Variants in XPR1 observed in about 807,000 individuals in gnomAD.
XPR1 encodes xenotropic and polytropic retrovirus receptor 1, also known as solute carrier family 53 member 1.
A neutral mutation model predicts 87.5 loss-of-function variants in XPR1; 28 were observed. The ratio of observed to expected loss-of-function variants is 0.32; its 90% CI spans 0.24 to 0.44. XPR1 has a LOEUF of 0.44. Ranked by LOEUF, XPR1 falls within the 20% of genes least tolerant of loss-of-function variation. The pLI is 1.00. For missense variants in XPR1, 559 were observed against 862.3 expected, an observed-to-expected ratio of 0.65 and a Z score of 4.41; for synonymous variants, 300 against 306.1, an observed-to-expected ratio of 0.98 and a Z score of 0.21.
At chr1:180,839,014 TTA>T (rs1651408057) in intron 11 of XPR1, among the ~76,000 whole-genome samples, 1 of 152,212 alleles carries the variant, frequency 6.6e-6, no homozygotes, top group Non-Finnish European at 1.5e-5. Context: ...TGAGATAAAT[TTA>T]TGTTATTACT....
intron 7 of XPR1, 147 bp downstream of exon 7, chr1:180,811,635 G>GT (rs901422053): frequency 1.2e-4 from 69 of 573,466 alleles, no homozygotes; most frequent in African/African-American, 4.2e-4. Flanking sequence ...TATAAATGTG[G>GT]TTTTTTTTAG....
At chr1:180,880,421 T>G in intron 14 of XPR1, 124 bp downstream of exon 14, 2 of 1,047,734 alleles carry the variant, frequency 1.9e-6, no homozygotes, top group Non-Finnish European at 2.8e-6. Context: ...ATTTTTCACC[T>G]ACAAAAAAAC....
intron 1 of XPR1, among the ~76,000 whole-genome samples, chr1:180,657,342 G>T (rs1050494009): frequency 2.0e-5 from 3 of 152,122 alleles, no homozygotes; most frequent in Non-Finnish European, 4.4e-5. Context: ...CTGTGCTTGT[G>T]GGGTATTCAA....
chr1:180,685,979 T>A (rs566115997), intron 2 of XPR1, among the ~76,000 whole-genome samples: 60 of 152,308 alleles, frequency 3.9e-4, no homozygotes, highest in Non-Finnish European at 4.9e-4. Flanking sequence ...TTTTTGTCTC[T>A]ATTTCCTTCA....
chr1:180,732,192 C>CAAAAAA, intron 2 of XPR1, among the ~76,000 whole-genome samples: 1 of 107,792 alleles, frequency 9.3e-6, no homozygotes, highest in Non-Finnish European at 1.9e-5. Context: ...GACTCCATCT[C>CAAAAAA]AAAAAAAAAA....
intron 1 of XPR1, among the ~76,000 whole-genome samples, chr1:180,637,433 A>G (rs932276185): frequency 6.6e-6 from 1 of 152,260 alleles, no homozygotes; most frequent in Non-Finnish European, 1.5e-5. Flanking sequence ...GAAAATGACA[A>G]CAGAGCTGAG....
At chr1:180,656,772 G>A (rs1446475826) in intron 1 of XPR1, among the ~76,000 whole-genome samples, 1 of 143,494 alleles carries the variant, frequency 7.0e-6, no homozygotes, top group Non-Finnish European at 1.5e-5. Context: ...CCAAATCTTG[G>A]CTATTGTGAA....
In XPR1 at chr1:180,840,560, GTGTGTGTATATATATATATA is replaced by G. The variant is rs1455775223; in HGVS notation, c.1501+3846_1501+3865del. Among the ~76,000 whole-genome samples, 328 of 135,454 alleles carry G rather than the reference GTGTGTGTATATATATATATA, an allele frequency of 2.4e-3. 1 individual carries two copies. The highest frequency in any genetic ancestry group is 4.1e-3 in the Non-Finnish European group (263 of 64,048). 88.9% of individuals were successfully genotyped at this position (135,454 alleles called of 152,430 possible). A position where few individuals can be genotyped will look rare whatever the true frequency, so the allele number is the denominator to read the frequency against. ...TGTGTGTGTGTGTGTGTGTGTGTGTGTGTGTGTATATATATATATATATATATATAAACTGGACAAAATTT... is the reference window on the plus strand; with the variant it reads ...TGTGTGTGTGTGTGTGTGTGTGTGTGTATATATATAAACTGGACAAAATTT... On this transcript the variant is annotated intron_variant, in intron 11 of 14. Transcript: ENST00000367590.
Position 180,649,076 on chromosome 1 carries a change from T to A in XPR1, c.69+16806T>A, listed in dbSNP as rs557346810. Among the ~76,000 whole-genome samples, 9 of 152,260 alleles carry A rather than the reference T, an allele frequency of 5.9e-5. No homozygotes were observed. The East Asian group carries it at 1.7e-3, about 29-fold the overall frequency. ...TATAAATCCTTGTTTGTGAAACTAA[T>A]CCCCAAGAGCATTTTCTAGTGCAAG... On this transcript the variant is annotated intron_variant, in intron 1 of 14. Transcript: ENST00000367590.
At chr1:180,873,676 T>A in intron 12 of XPR1, 127 bp from the exon 13 acceptor site, 1 of 1,032,568 alleles carries the variant, frequency 9.7e-7, no homozygotes, top group African/African-American at 1.6e-5. Flanking sequence ...AAGTACAACT[T>A]TCCTCTTGAG....
intron 2 of XPR1, among the ~76,000 whole-genome samples, chr1:180,722,759 T>A (rs761817614): frequency 5.9e-5 from 9 of 152,202 alleles, no homozygotes; most frequent in Non-Finnish European, 1.0e-4. Flanking sequence ...TTGCTTTCCT[T>A]CTGAAATGAT....
At chr1:180,853,986 A>G (rs895570396) in intron 11 of XPR1, among the ~76,000 whole-genome samples, 4 of 152,136 alleles carry the variant, frequency 2.6e-5, no homozygotes, top group Admixed American at 2.6e-4. Flanking sequence ...CATTGAATTA[A>G]AAGCAGCTGT....
intron 14 of XPR1, among the ~76,000 whole-genome samples, chr1:180,882,691 G>T (rs560807044): frequency 1.3e-5 from 2 of 152,176 alleles, no homozygotes; most frequent in Admixed American, 6.5e-5. Context: ...AGTGGTAAAT[G>T]GTTTATGTTG....
chr1:180,739,642 G>A (rs1282729630), intron 2 of XPR1, among the ~76,000 whole-genome samples: 1 of 152,104 alleles, frequency 6.6e-6, no homozygotes, highest in African/African-American at 2.4e-5. Flanking sequence ...TCCTATACAA[G>A]TTTTGTTAAA....
chr1:180,683,753 A>G (rs1172215655), intron 2 of XPR1, among the ~76,000 whole-genome samples: 1 of 151,936 alleles, frequency 6.6e-6, no homozygotes, highest in East Asian at 1.9e-4. Context: ...TTTTGGCTGC[A>G]TAAATGTCTT....
At chr1:180,790,271 G>A (rs56152713) in intron 3 of XPR1, among the ~76,000 whole-genome samples, 1,793 of 151,886 alleles carry the variant, frequency 0.012, 13 homozygotes, top group Middle Eastern at 0.024. Context: ...CCTTGCTCCA[G>A]TAATTATTTC....
intron 1 of XPR1, among the ~76,000 whole-genome samples, chr1:180,657,214 A>G (rs926297681): frequency 2.0e-5 from 3 of 151,790 alleles, no homozygotes; most frequent in Middle Eastern, 3.4e-3. Context: ...TAGAGTTATT[A>G]TAGGAAATAT....
At chr1:180,830,225 T>G (rs1312835568) in intron 9 of XPR1, among the ~76,000 whole-genome samples, 1 of 152,180 alleles carries the variant, frequency 6.6e-6, no homozygotes, top group Non-Finnish European at 1.5e-5. Flanking sequence ...GTCCCCCTCT[T>G]CCTCACAAAA....
chr1:180,636,626 T>G (rs991987389), intron 1 of XPR1, among the ~76,000 whole-genome samples: 23 of 152,196 alleles, frequency 1.5e-4, no homozygotes, highest in African/African-American at 4.3e-4. Flanking sequence ...TAGCTTCAAA[T>G]TCAGTCCTAA....
Sources: gnomAD v4.1 joint callset for allele counts (sites outside exome capture counted in the v4.1 genomes callset) on GRCh38, gnomAD v4.1.1 for gene constraint, MANE v1.5 for transcripts, NCBI Gene and HGNC (gene_info 2026-07-23, HGNC 2026-07-21) for gene names.